The following LRCH3 variants were observed in gnomAD, a reference collection of about 807,000 sequenced individuals.
LRCH3 encodes leucine rich repeats and calponin homology domain containing 3.
Under a neutral mutation model 104.5 loss-of-function variants are expected in LRCH3, and 68 were observed. The observed-to-expected ratio is 0.65, with a 90% CI of 0.54 to 0.80. The LOEUF (loss-of-function observed/expected upper bound fraction) is 0.80, where lower values mean the gene tolerates loss of function less well. Ranked by LOEUF, LRCH3 falls within the 30% of genes least tolerant of loss-of-function variation. The pLI, the probability that LRCH3 is intolerant of heterozygous loss-of-function variation, is 0.00. For missense variants in LRCH3, 951 were observed against 953.9 expected, an observed-to-expected ratio of 1.00 and a Z score of 0.04; for synonymous variants, 344 against 361.3, an observed-to-expected ratio of 0.95 and a Z score of 0.54.
chr3:197,828,370 G>A (rs1056409805), intron 5 of LRCH3, among the ~76,000 whole-genome samples: 4 of 151,794 alleles, frequency 2.6e-5, no homozygotes, highest in Admixed American at 6.6e-5. Context: ...TTGTGAGAAG[G>A]AGTCTCGCTC....
At position 197,863,477 on chromosome 3, in the gene LRCH3, T is replaced by G. The variant is rs188210753; in HGVS notation, c.1717-1946T>G. 4.2e-3 allele frequency among the ~76,000 whole-genome samples: 633 copies of G among 152,216 alleles called. 7 individuals carry two copies. Among genetic ancestry groups the G allele is most frequent in the African/African-American group, 0.015 (604 of 41,540 alleles). On this transcript the variant is annotated intron_variant, in intron 15 of 20. Coordinates refer to ENST00000425562, the MANE Select transcript of LRCH3 (RefSeq NM_001365715.1). The stretch of plus-strand genomic sequence containing the variant: ...GGTTTCACCATGTTGGCCAGGATGG[T>G]CTCAATCTCTTGACCACGTGATCCA...
rs1354157998 is a variant in LRCH3, at chr3:197,798,919, C to A, written c.262+7379C>A. 2.0e-5 allele frequency among the ~76,000 whole-genome samples: 3 copies of A among 152,186 alleles called. No individual in the cohort carries two copies. In the East Asian group the frequency reaches 5.8e-4, roughly 29 times the overall value. ...GCCACATATGTCATTTTGGACAGCA[C>A]CTTGGACCAACCTCCTCTCTGTCAT... is the stretch of plus-strand genomic sequence containing the variant. On this transcript the variant is annotated intron_variant, in intron 1 of 20. Coordinates refer to ENST00000425562, the MANE Select transcript of LRCH3 (RefSeq NM_001365715.1).
At position 197,800,025 on chromosome 3, in the gene LRCH3, CA is replaced by C. The variant is rs771569061; in HGVS notation, c.262+8499del. Among the ~76,000 whole-genome samples the C allele has an allele frequency of 6.4e-3, 857 of 133,880 alleles. 3 individuals are homozygous for C. The highest frequency in any genetic ancestry group is 0.012 in the African/African-American group (458 of 36,646). 87.8% of individuals were successfully genotyped at this position (133,880 alleles called of 152,430 possible). ...TGAAACCCTGTCTCTACTAAAACTA[CA>C]AAAAAAAAAAAAATTAGCCAGGCGT... On this transcript the variant is annotated intron_variant, in intron 1 of 20. Coordinates refer to ENST00000425562, the MANE Select transcript of LRCH3 (RefSeq NM_001365715.1).
chr3:197,815,013 C>A lies in LRCH3; in HGVS notation c.368C>A (p.Ala123Glu). 6.5e-7 allele frequency: 1 copy of A among 1,548,192 alleles called. No homozygotes were observed. The highest frequency in any genetic ancestry group is 8.9e-7 in the Non-Finnish European group (1 of 1,129,490). The change falls in exon 2 of 21, where the codon GCA becomes GAA. Residue 123 changes from alanine to glutamate, a missense_variant. Physicochemically the swap from Ala to Glu is moderately radical, Grantham distance 107 (BLOSUM62 -1). Transcript: ENST00000425562. Reference sequence around the variant, plus strand: ...AATTGTATTCGTTATATTCCAGAGGCAATTTTAAACCTACAAGCTCTAACA... The same window carrying A: ...AATTGTATTCGTTATATTCCAGAGGAAATTTTAAACCTACAAGCTCTAACA... ...YQNCIRYIPE[A>E]ILNLQALTFL... is the part of the protein sequence containing the mutation.
At chr3:197,866,309 A>G (rs1741478663) in intron 17 of LRCH3, 90 bp downstream of exon 17, 6 of 876,466 alleles carry the variant, frequency 6.8e-6, no homozygotes, top group South Asian at 4.1e-5. Flanking sequence ...ACTTCTGCAT[A>G]TAGTATAAGA....
intron 13 of LRCH3, among the ~76,000 whole-genome samples, chr3:197,853,318 T>C (rs1739876056): frequency 6.6e-6 from 1 of 151,944 alleles, no homozygotes; most frequent in Non-Finnish European, 1.5e-5. Flanking sequence ...GCCTCCCGAG[T>C]AGCTGGGACT....
chr3:197,840,813 A>C (rs1163474481), intron 10 of LRCH3, among the ~76,000 whole-genome samples: 1 of 152,164 alleles, frequency 6.6e-6, no homozygotes, highest in Non-Finnish European at 1.5e-5. Context: ...TTTATTTCAG[A>C]ATGTCTTTTC....
intron 1 of LRCH3, among the ~76,000 whole-genome samples, chr3:197,792,606 A>ATATATATATATATATATAT (rs1233845852): frequency 6.6e-4 from 25 of 37,976 alleles, no homozygotes; most frequent in Non-Finnish European, 1.1e-3. Flanking sequence ...TATATATATA[A>ATATATATATATATATATAT]AATATACATA....
intron 12 of LRCH3, among the ~76,000 whole-genome samples, chr3:197,852,161 T>G (rs1185926041): frequency 1.3e-5 from 2 of 152,176 alleles, no homozygotes; most frequent in Non-Finnish European, 2.9e-5. Flanking sequence ...AAATAGCCAG[T>G]TAGTATGGGA....
chr3:197,793,991 A>T (rs1234166528), intron 1 of LRCH3, among the ~76,000 whole-genome samples: 1 of 152,250 alleles, frequency 6.6e-6, no homozygotes, highest in Non-Finnish European at 1.5e-5. Flanking sequence ...ATTTTGAAAT[A>T]TACTGCCTTG....
At chr3:197,820,268 A>G in intron 3 of LRCH3, 57 bp from the exon 4 acceptor site, 1 of 1,232,692 alleles carries the variant, frequency 8.1e-7, no homozygotes, top group Non-Finnish European at 1.2e-6. Context: ...TAGACAGTTT[A>G]AAGCAGACAA....
chr3:197,830,064 T>C (rs1177907321), intron 6 of LRCH3, among the ~76,000 whole-genome samples: 1 of 152,262 alleles, frequency 6.6e-6, no homozygotes, highest in Non-Finnish European at 1.5e-5. Flanking sequence ...ACTTTAGCTC[T>C]GCTGCTGAGG....
rs769402175 is a variant in LRCH3 at position 197,871,382 on chromosome 3, G to A, written c.2050G>A (p.Asp684Asn). 4.3e-6 allele frequency: 7 copies of A among 1,614,082 alleles called. No homozygotes were observed. Among genetic ancestry groups the A allele is most frequent in the Non-Finnish European group, 5.9e-6 (7 of 1,180,012 alleles). The part of the protein sequence containing the change: ...LPCDLGAALT[D>N]GVVLCHLANH... ...TTGTGATCTCGGAGCAGCTCTAACT[G>A]ACGGTGTTGTTCTTTGCCATTTGGC... Residue 684 changes from aspartate to asparagine, a missense_variant, in exon 19 of 21, where the codon GAC becomes AAC. By Grantham distance (23) the Asp-to-Asn change is conservative. Transcript: ENST00000425562.
intron 7 of LRCH3, among the ~76,000 whole-genome samples, chr3:197,831,590 C>A (rs962576412): frequency 6.6e-6 from 1 of 151,564 alleles, no homozygotes; most frequent in Non-Finnish European, 1.5e-5. Flanking sequence ...TGTATCAATA[C>A]AGATATATAT....
intron 8 of LRCH3, among the ~76,000 whole-genome samples, chr3:197,833,391 A>G (rs998011246): frequency 3.4e-5 from 5 of 149,132 alleles, no homozygotes; most frequent in Middle Eastern, 3.2e-3. Context: ...AAAAAAAAAA[A>G]GCAGGGCATA....
chr3:197,791,761 G>T (rs1373472591), intron 1 of LRCH3, among the ~76,000 whole-genome samples: 1 of 152,196 alleles, frequency 6.6e-6, no homozygotes, highest in Non-Finnish European at 1.5e-5. Context: ...GGGGAAGGGG[G>T]CCGGAGTGAT....
intron 4 of LRCH3, among the ~76,000 whole-genome samples, chr3:197,823,766 G>A (rs1734773873): frequency 6.6e-6 from 1 of 152,144 alleles, no homozygotes; most frequent in Non-Finnish European, 1.5e-5. Context: ...TTACAGGCAT[G>A]AGCCACAGTG....
At chr3:197,828,941 T>A (rs1735576420) in intron 5 of LRCH3, among the ~76,000 whole-genome samples, 1 of 151,710 alleles carries the variant, frequency 6.6e-6, no homozygotes, top group Admixed American at 6.6e-5. Flanking sequence ...ACTCCTGACC[T>A]CAGGTGATCC....
chr3:197,825,175 CAG>C (rs1735008685), intron 4 of LRCH3, among the ~76,000 whole-genome samples: 1 of 151,950 alleles, frequency 6.6e-6, no homozygotes. Context: ...TTCTTAATCC[CAG>C]TATTTTGTGA....
Sources: gnomAD v4.1 joint callset for allele counts (sites outside exome capture counted in the v4.1 genomes callset) on GRCh38, gnomAD v4.1.1 for gene constraint, MANE v1.5 for transcripts, NCBI Gene and HGNC (gene_info 2026-07-23, HGNC 2026-07-21) for gene names.